The following ALDH3B2 variants were observed in gnomAD, a reference collection of about 807,000 sequenced individuals.
The protein encoded by ALDH3B2 is aldehyde dehydrogenase family 3 member B2.
In ALDH3B2, 45 loss-of-function variants were observed where a neutral mutation model predicts 36.7. That is an observed-to-expected ratio of 1.23 (90% CI 0.97 to 1.57). The LOEUF (loss-of-function observed/expected upper bound fraction) is 1.57, where lower values mean the gene tolerates loss of function less well. Among genes scored for constraint, ALDH3B2 ranks in the 40% most tolerant of loss-of-function variants. The pLI, the probability that ALDH3B2 is intolerant of heterozygous loss-of-function variation, is 0.00. For synonymous variants in ALDH3B2, 217 were observed against 226.5 expected (o/e 0.96, Z 0.38); for missense variants, 464 against 513.3 (o/e 0.90, Z 0.93).
intron 1 of ALDH3B2, among the ~76,000 whole-genome samples, chr11:67,668,889 T>C (rs111211048): frequency 5.9e-5 from 9 of 151,486 alleles, no homozygotes; most frequent in African/African-American, 2.2e-4. Context: ...TATGGGTGTC[T>C]GTGTGTGTAT....
In ALDH3B2 at chr11:67,665,222, G is replaced by A. The variant is rs141108190; in HGVS notation, c.706+63C>T. On this transcript the variant is annotated intron_variant, in intron 7 of 9. Transcript: ENST00000349015. The stretch of plus-strand genomic sequence containing the variant: ...GCGAGTCCAGACTCGTGGCCCAGCC[G>A]TGGGCCCTCCATTGAGAAAGGGTCT... 1.3e-3 allele frequency: 1,933 copies of A among 1,538,552 alleles called. 20 individuals are homozygous for A. The African/African-American group carries it at 0.023, about 18-fold the overall frequency.
At chr11:67,666,852 C>T (rs1855934056) in intron 3 of ALDH3B2, 54 bp downstream of exon 3, 2 of 1,613,662 alleles carry the variant, frequency 1.2e-6, no homozygotes. Context: ...GGGCCTGGGC[C>T]AGAGCTACCC....
exon 6 of ALDH3B2, chr11:67,666,196 A>G (rs762353573): frequency 5.8e-5 from 94 of 1,613,702 alleles, no homozygotes; most frequent in Non-Finnish European, 2.5e-6. Flanking sequence ...CACCACGGCA[A>G]AGCAGCTCTG....
At chr11:67,676,720 A>G (rs1452294651), upstream of ALDH3B2, among the ~76,000 whole-genome samples, 1 of 152,208 alleles carries the variant, frequency 6.6e-6, no homozygotes, top group African/African-American at 2.4e-5. Context: ...TTAACCAAGA[A>G]AAGAAGAGAG....
At chr11:67,668,143 G>A (rs1855971846) in intron 1 of ALDH3B2, among the ~76,000 whole-genome samples, 1 of 152,208 alleles carries the variant, frequency 6.6e-6, no homozygotes, top group African/African-American at 2.4e-5. Context: ...AGAGCTTTGA[G>A]GTCGCAGATG....
chr11:67,667,473 C>A, exon 2 of ALDH3B2: 1 of 381,132 alleles, frequency 2.6e-6, no homozygotes, highest in Non-Finnish European at 4.9e-6. Flanking sequence ...CACGGCCCAC[C>A]TTATGCAGGT....
chr11:67,678,636 CAT>C (rs34057662), upstream of ALDH3B2, among the ~76,000 whole-genome samples: 32 of 146,612 alleles, frequency 2.2e-4, no homozygotes, highest in Non-Finnish European at 3.3e-4. Context: ...TACTATGGTA[CAT>C]ATATATATAT....
chr11:67,662,261 G>A (rs2134122374), exon 10 of ALDH3B2: 1 of 152,338 alleles, frequency 6.6e-6, no homozygotes, highest in Non-Finnish European at 1.5e-5. Flanking sequence ...CACAGCCAAG[G>A]GGAAGCTTTT....
chr11:67,676,522 A>G (rs1856276031), upstream of ALDH3B2, among the ~76,000 whole-genome samples: 1 of 151,914 alleles, frequency 6.6e-6, no homozygotes, highest in Admixed American at 6.6e-5. Context: ...AGCACAGACA[A>G]TCTAAGATCA....
Position 67,672,148 on chromosome 11 carries a change from A to AT in ALDH3B2, c.-245+2288dup, listed in dbSNP as rs59262273. The stretch of plus-strand genomic sequence containing the variant: ...TGTGTGTGTGTGTATATATATATGT[A>AT]TTTTTTTTTTTTTTTTGAGACAGAC... On this transcript the variant is annotated intron_variant, in intron 1 of 9. Transcript: ENST00000349015. Among the ~76,000 whole-genome samples, 150 of 96,122 alleles carry AT rather than the reference A, an allele frequency of 1.6e-3. 3 individuals carry two copies. Among genetic ancestry groups the AT allele is most frequent in the African/African-American group, 5.7e-3 (120 of 20,890 alleles). The allele number at this position is 96,122 out of a possible 152,430, so 63.1% of individuals were successfully genotyped here. A position where few individuals can be genotyped will look rare whatever the true frequency, so the allele number is the denominator to read the frequency against.
At chr11:67,670,587 G>A (rs1334168907) in intron 1 of ALDH3B2, among the ~76,000 whole-genome samples, 3 of 152,156 alleles carry the variant, frequency 2.0e-5, no homozygotes, top group South Asian at 2.1e-4. Context: ...GACAGTGCTC[G>A]CCCATGGACA....
upstream of ALDH3B2, among the ~76,000 whole-genome samples, chr11:67,678,636 C>T (rs568473738): frequency 7.7e-3 from 1,125 of 146,692 alleles, 12 homozygotes; most frequent in Non-Finnish European, 8.5e-3. Flanking sequence ...TACTATGGTA[C>T]ATATATATAT....
rs368134300 is a variant in ALDH3B2 at position 67,666,903 on chromosome 11, C to T, written c.30+3G>A. 9.3e-6 allele frequency: 15 copies of T among 1,614,112 alleles called. No individual in the cohort carries two copies. Among genetic ancestry groups the T allele is most frequent in the African/African-American group, 4.0e-5 (3 of 74,946 alleles). On this transcript the variant is annotated splice_donor_region_variant and intron_variant, in intron 3 of 9. Coordinates refer to ENST00000349015, the Ensembl canonical transcript of ALDH3B2. ...CCTCCTGCCGCCTGCCAGCAGGGCT[C>T]ACCAGGTTCGTGGACCGTGGTTCAT... is the stretch of plus-strand genomic sequence containing the variant.
At position 67,669,833 on chromosome 11, in the gene ALDH3B2, TG is replaced by T. The variant is rs138443000; in HGVS notation, c.-244-2199del. Reference sequence around the variant, plus strand: ...GTGTGTCTGTGTGTGTATGGGTGTCTGTGTGTGTATGGGTGTGTGTGTCCAC... The same window carrying T: ...GTGTGTCTGTGTGTGTATGGGTGTCTTGTGTGTATGGGTGTGTGTGTCCAC... On this transcript the variant is annotated intron_variant, in intron 1 of 9. Coordinates refer to ENST00000349015, the Ensembl canonical transcript of ALDH3B2. Among the ~76,000 whole-genome samples, 106 of 99,382 alleles carry T rather than the reference TG, an allele frequency of 1.1e-3. 1 individual carries two copies. Among genetic ancestry groups the T allele is most frequent in the Non-Finnish European group, 1.5e-3 (68 of 45,430 alleles). 65.2% of individuals were successfully genotyped at this position (99,382 alleles called of 152,430 possible).
intron 1 of ALDH3B2, among the ~76,000 whole-genome samples, chr11:67,669,772 A>C (rs1174189831): frequency 3.7e-5 from 2 of 54,676 alleles, no homozygotes; most frequent in South Asian, 6.4e-4. Flanking sequence ...CTGTGTGTGT[A>C]TGGGTGTCTG....
At chr11:67,670,374 T>C (rs759822054) in intron 1 of ALDH3B2, among the ~76,000 whole-genome samples, 17 of 152,020 alleles carry the variant, frequency 1.1e-4, no homozygotes, top group Non-Finnish European at 1.8e-4. Flanking sequence ...CGTGTGTGTG[T>C]CTGCGTGTGG....
intron 6 of ALDH3B2, 79 bp from the exon 7 acceptor site, chr11:67,665,750 C>T (rs1325913710): frequency 3.3e-6 from 5 of 1,524,278 alleles, no homozygotes; most frequent in Admixed American, 4.3e-5. Context: ...CCTGCTCCTC[C>T]CTGGAGAGGT....
chr11:67,678,960 G>A (rs1856320287), upstream of ALDH3B2, among the ~76,000 whole-genome samples: 1 of 152,098 alleles, frequency 6.6e-6, no homozygotes, highest in Admixed American at 6.6e-5. Flanking sequence ...TCACTGATAT[G>A]TGGGAGCTAA....
At chr11:67,663,166 G>A (rs770980947) in exon 10 of ALDH3B2, 8 of 1,551,148 alleles carry the variant, frequency 5.2e-6, no homozygotes, top group Non-Finnish European at 7.0e-6. Flanking sequence ...AGCCCCTCAT[G>A]GCTAGACTCA....
Sources: allele counts gnomAD v4.1 joint callset (sites outside exome capture counted in the v4.1 genomes callset), GRCh38; gene constraint gnomAD v4.1.1; transcripts MANE v1.5; gene names NCBI Gene and HGNC (gene_info 2026-07-23, HGNC 2026-07-21).